The following PDLIM7 variants were observed in gnomAD, a reference collection of about 807,000 sequenced individuals.
PDLIM7 encodes PDZ and LIM domain 7.
Under a neutral mutation model 53.9 loss-of-function variants are expected in PDLIM7, and 37 were observed. That is an observed-to-expected ratio of 0.69 (90% CI 0.53 to 0.90). The LOEUF is 0.90. Ranked by LOEUF, PDLIM7 falls within the 40% of genes least tolerant of loss-of-function variation. The pLI, the probability that PDLIM7 is intolerant of heterozygous loss-of-function variation, is 0.00. For missense variants in PDLIM7, 617 were observed against 638.5 expected (o/e 0.97, Z 0.36); for synonymous variants, 300 against 261.3 (o/e 1.15, Z -1.43).
At chr5:177,492,151 G>C in intron 4 of PDLIM7, 1 of 609,706 alleles carries the variant, frequency 1.6e-6, no homozygotes, top group Non-Finnish European at 2.9e-6. Flanking sequence ...ACCGAGTGCG[G>C]GCGAGCACGC....
chr5:177,486,638 CTT>C (rs1291828292), intron 10 of PDLIM7, among the ~76,000 whole-genome samples: 6 of 152,070 alleles, frequency 3.9e-5, no homozygotes, highest in East Asian at 3.9e-4. Flanking sequence ...GCAGATTTCT[CTT>C]TCTTTTTTTC....
intron 2 of PDLIM7, among the ~76,000 whole-genome samples, chr5:177,495,963 C>T (rs976132585): frequency 2.0e-5 from 3 of 152,130 alleles, no homozygotes; most frequent in Admixed American, 2.0e-4. Flanking sequence ...GAGCGAGCCC[C>T]GCCACCTCTC....
At chr5:177,491,621 T>C (rs2306763) in intron 5 of PDLIM7, 186 bp downstream of exon 5, 73,602 of 629,970 alleles carry the variant, frequency 0.12, 5,417 homozygotes, top group East Asian at 0.32. Context: ...CCCAGGGCGG[T>C]GCCCTGCAAG....
intron 5 of PDLIM7, 33 bp from the exon 6 acceptor site, chr5:177,491,179 T>C: frequency 1.2e-6 from 1 of 817,918 alleles, no homozygotes; most frequent in African/African-American, 2.4e-5. Context: ...AACCCCACAC[T>C]GGGGGTGGGC....
At chr5:177,496,658 G>C (rs1759089042) in intron 1 of PDLIM7, 135 bp from the exon 2 acceptor site, 1 of 508,856 alleles carries the variant, frequency 2.0e-6, no homozygotes, top group African/African-American at 2.0e-5. Flanking sequence ...CAAGCCATAG[G>C]AGGCAGGTAT....
chr5:177,494,330 G>A (rs1324423642), intron 2 of PDLIM7, among the ~76,000 whole-genome samples: 1 of 152,184 alleles, frequency 6.6e-6, no homozygotes, highest in East Asian at 1.9e-4. Context: ...CCCACCTGGA[G>A]ACACCCTGAG....
chr5:177,492,132 C>G, intron 4 of PDLIM7: 2 of 597,730 alleles, frequency 3.3e-6, no homozygotes, highest in Non-Finnish European at 2.9e-6. Flanking sequence ...CACGCAGGAC[C>G]GAGGGCTGAC....
chr5:177,490,074 G>T, intron 7 of PDLIM7: 1 of 1,531,194 alleles, frequency 6.5e-7, no homozygotes, highest in Non-Finnish European at 8.7e-7. Context: ...GCAGCTCCTG[G>T]GGTTCCCCTC....
chr5:177,494,531 T>G, intron 2 of PDLIM7, among the ~76,000 whole-genome samples: 1 of 87,688 alleles, frequency 1.1e-5, no homozygotes, highest in African/African-American at 4.6e-5. Context: ...GTGGGGGTCT[T>G]GGGGTGCAGC....
At position 177,492,510 on chromosome 5, in the gene PDLIM7, A is replaced by G. The variant is rs985091399; in HGVS notation, c.248+16T>C. 1.1e-5 allele frequency: 17 copies of G among 1,613,574 alleles called. No individual in the cohort carries two copies. Among genetic ancestry groups the G allele is most frequent in the Non-Finnish European group, 1.4e-5 (17 of 1,179,832 alleles). The stretch of plus-strand genomic sequence containing the variant: ...ACTGCCAGCGCGGGCGCACCCATCC[A>G]TGTCCACCCGCATACCTGCTGAGGC... On this transcript the variant is annotated intron_variant, in intron 3 of 12. Coordinates refer to ENST00000355841, the MANE Select transcript of PDLIM7 (RefSeq NM_005451.5).
intron 2 of PDLIM7, among the ~76,000 whole-genome samples, chr5:177,493,928 G>C (rs1758930717): frequency 6.6e-6 from 1 of 152,166 alleles, no homozygotes; most frequent in South Asian, 2.1e-4. Flanking sequence ...AGAGGTTTCA[G>C]AGAGATGTCA....
At chr5:177,490,571 G>C (rs1263090111) in intron 7 of PDLIM7, 1 of 1,558,720 alleles carries the variant, frequency 6.4e-7, no homozygotes, top group Non-Finnish European at 8.7e-7. Flanking sequence ...CGTGGGCTCT[G>C]CAGCTCCAGG....
At chr5:177,491,995 C>T (rs957500749) in intron 4 of PDLIM7, 70 bp from the exon 5 acceptor site, 5 of 708,504 alleles carry the variant, frequency 7.1e-6, no homozygotes, top group Non-Finnish European at 8.3e-6. Context: ...AAGTGGGGCG[C>T]CTGCAGCAGA....
intron 10 of PDLIM7, chr5:177,484,965 AC>A (rs1758364439): frequency 6.6e-6 from 1 of 151,162 alleles, no homozygotes; most frequent in Non-Finnish European, 1.5e-5. Flanking sequence ...CTCACCCCTC[AC>A]CCCCTTCAAG....
At position 177,483,485 on chromosome 5, in the gene PDLIM7, T is replaced by G. The variant is rs1345162526; in HGVS notation, c.*159A>C. On this transcript the variant is annotated 3_prime_UTR_variant, in exon 13 of 13. Coordinates refer to ENST00000355841, the MANE Select transcript of PDLIM7 (RefSeq NM_005451.5). ...TGCTGTGGTGGTGGAGGGAGTGGGGTGGGAGGATAAGGTGGGTGGGGCAGG... is the reference window on the plus strand; with the variant it reads ...TGCTGTGGTGGTGGAGGGAGTGGGGGGGGAGGATAAGGTGGGTGGGGCAGG... The G allele has an allele frequency of 6.0e-5, 31 of 518,362 alleles. No individual in the cohort carries two copies. Among genetic ancestry groups the G allele is most frequent in the African/African-American group, 3.3e-4 (12 of 35,878 alleles). The allele number at this position is 518,362 out of a possible 1,614,324, so 32.1% of individuals were successfully genotyped here.
intron 4 of PDLIM7, 56 bp from the exon 5 acceptor site, chr5:177,491,981 G>A: frequency 1.3e-6 from 1 of 798,392 alleles, no homozygotes. Flanking sequence ...GGGGGCCTGG[G>A]TGGAAGTGGG....
intron 10 of PDLIM7, 71 bp downstream of exon 10, chr5:177,487,997 T>C: frequency 2.7e-6 from 4 of 1,470,264 alleles, no homozygotes; most frequent in African/African-American, 1.4e-5. Flanking sequence ...ACCTGGACTG[T>C]GGGTTTCCCA....
intron 7 of PDLIM7, 28 bp downstream of exon 7, chr5:177,490,842 G>A: frequency 6.2e-7 from 1 of 1,613,124 alleles, no homozygotes; most frequent in Non-Finnish European, 8.5e-7. Flanking sequence ...GCAGGAGGTG[G>A]GAGAGGGGCT....
intron 10 of PDLIM7, among the ~76,000 whole-genome samples, chr5:177,485,947 C>T (rs1250863490): frequency 6.6e-6 from 1 of 152,090 alleles, no homozygotes; most frequent in Admixed American, 6.5e-5. Flanking sequence ...GATCATGCCA[C>T]TGCACTCCAG....
Sources: gnomAD v4.1 joint callset for allele counts (sites outside exome capture counted in the v4.1 genomes callset) on GRCh38, gnomAD v4.1.1 for gene constraint, MANE v1.5 for transcripts, NCBI Gene and HGNC (gene_info 2026-07-23, HGNC 2026-07-21) for gene names.